The following WRNIP1 variants were observed in gnomAD, a reference collection of about 807,000 sequenced individuals.
WRNIP1 encodes ATPase WRNIP1.
Under a neutral mutation model 56.1 loss-of-function variants are expected in WRNIP1, and 41 were observed. The ratio of observed to expected loss-of-function variants is 0.73; its 90% CI spans 0.57 to 0.95. WRNIP1 has a LOEUF of 0.95. Ranked by LOEUF, WRNIP1 falls within the 40% of genes least tolerant of loss-of-function variation. The pLI is 0.00. For missense variants in WRNIP1, 1,170 were observed against 939.4 expected (o/e 1.25, Z -3.21); for synonymous variants, 547 against 398.1 (o/e 1.37, Z -4.45).
rs780918127 is a variant in WRNIP1, at chr6:2,766,230, G to GA, written c.608_609insA (p.Ser203ArgfsTer32). 22 of 1,459,736 alleles carry GA rather than the reference G, an allele frequency of 1.5e-5. No homozygotes were observed. Among genetic ancestry groups the GA allele is most frequent in the Non-Finnish European group, 2.0e-5 (22 of 1,104,382 alleles). 90.4% of individuals were successfully genotyped at this position (1,459,736 alleles called of 1,614,324 possible). A position where few individuals can be genotyped will look rare whatever the true frequency, so the allele number is the denominator to read the frequency against. On this transcript the variant is annotated frameshift_variant, in exon 1 of 7. Transcript: ENST00000380773. LOFTEE classifies it high-confidence loss of function. ...GAAGCCGCCACCGCCTTCGGGGCCA[G>GA]TGGCGGGGGCCGCCCGCACCCCCGG...
At position 2,784,358 on chromosome 6, in the gene WRNIP1, T is replaced by G. The variant is rs918921558; in HGVS notation, c.1677T>G (p.Val559=). Reference sequence around the variant, plus strand: ...ACCCGTCTGCGTTAACACAAGCGGTTGCTGCCTACCAAGGCTGTCATTTTA... The same window carrying G: ...ACCCGTCTGCGTTAACACAAGCGGTGGCTGCCTACCAAGGCTGTCATTTTA... ...LADPSALTQA[V]AAYQGCHFIG... is the part of the protein sequence containing the mutation. Residue 559 remains valine, a synonymous_variant, in exon 6 of 7, where the codon GTT becomes GTG. Coordinates refer to ENST00000380773, the MANE Select transcript of WRNIP1 (RefSeq NM_020135.3). 4 of 1,614,166 alleles carry G rather than the reference T, an allele frequency of 2.5e-6. No homozygotes were observed. The highest frequency in any genetic ancestry group is 3.4e-6 in the Non-Finnish European group (4 of 1,179,980).
intron 4 of WRNIP1, among the ~76,000 whole-genome samples, chr6:2,781,310 A>G (rs1006579370): frequency 4.6e-5 from 7 of 152,222 alleles, no homozygotes; most frequent in African/African-American, 1.4e-4. Flanking sequence ...CCAGCGCCTT[A>G]AGAACCCCAC....
In WRNIP1 at chr6:2,783,341, A is replaced by G. The variant is rs2113484603; in HGVS notation, c.1487-65A>G. On this transcript the variant is annotated intron_variant, in intron 4 of 6. Coordinates refer to ENST00000380773, the MANE Select transcript of WRNIP1 (RefSeq NM_020135.3). ...AGGCTTTCTGGAAGTCAGCTGGCGG[A>G]GGTGAAGATGGCTTGGGCGCCCCTC... is the stretch of plus-strand genomic sequence containing the variant. 7 of 1,461,090 alleles carry G rather than the reference A, an allele frequency of 4.8e-6. No homozygotes were observed. In the East Asian group the frequency reaches 1.8e-4, roughly 37 times the overall value. 90.5% of individuals were successfully genotyped at this position (1,461,090 alleles called of 1,614,324 possible).
intron 3 of WRNIP1, 141 bp downstream of exon 3, chr6:2,770,502 G>T: frequency 7.8e-7 from 1 of 1,280,726 alleles, no homozygotes; most frequent in Non-Finnish European, 1.0e-6. Context: ...GAAAATAAAA[G>T]AGGAGGGAAA....
Position 2,770,270 on chromosome 6 carries a change from T to A in WRNIP1, c.1165T>A (p.Leu389Ile). Residue 389 changes from leucine to isoleucine, a missense_variant, in exon 3 of 7, where the codon TTA (leucine) becomes ATA (isoleucine). Leu to Ile is a conservative substitution (Grantham distance 5). Coordinates refer to ENST00000380773, the MANE Select transcript of WRNIP1 (RefSeq NM_020135.3). ...KLPVEAMVTI[L>I]MRAINSLGIH... ...TCCAGTAGAGGCAATGGTGACTATT[T>A]TAATGCGAGCGATCAACTCCCTGGG... 6.2e-7 allele frequency: 1 copy of A among 1,614,162 alleles called. No individual in the cohort carries two copies. The highest frequency in any genetic ancestry group is 8.5e-7 in the Non-Finnish European group (1 of 1,180,026).
At chr6:2,774,753 C>T (rs190993677) in intron 3 of WRNIP1, among the ~76,000 whole-genome samples, 6 of 152,204 alleles carry the variant, frequency 3.9e-5, no homozygotes, top group Non-Finnish European at 5.9e-5. Context: ...ACGTCGTCAT[C>T]TGAAATGTAC....
In WRNIP1 at chr6:2,766,432, G is replaced by C. The variant is rs959608429; in HGVS notation, c.810G>C (p.Pro270=). 1 of 1,565,882 alleles carries C rather than the reference G, an allele frequency of 6.4e-7. No individual in the cohort carries two copies. Among genetic ancestry groups the C allele is most frequent in the Admixed American group, 1.8e-5 (1 of 56,612 alleles). Residue 270 remains proline, a synonymous_variant, in exon 1 of 7, where the codon CCG becomes CCC. Transcript: ENST00000380773. ...CCTCGCTTATCCTGTGGGGGCCGCC[G>C]GGCTGCGGCAAGGTGAGTGCGGCCT... ...EIPSLILWGP[P]GCGKTTLAHI...
At position 2,777,329 on chromosome 6, in the gene WRNIP1, T is replaced by TACGGATGG. The variant is rs1554137952; in HGVS notation, c.1257-1933_1257-1932insCGGATGGA. Among the ~76,000 whole-genome samples the TACGGATGG allele has an allele frequency of 4.6e-5, 7 of 152,126 alleles. No individual in the cohort carries two copies. The East Asian group carries it at 1.4e-3, about 29-fold the overall frequency. ...CCTCTCCTTGAGGTGCTCCGCATAGTAGGGATGATGAATGTAATGTAATCA... is the reference window on the plus strand; with the variant it reads ...CCTCTCCTTGAGGTGCTCCGCATAGTACGGATGGAGGGATGATGAATGTAATGTAATCA... On this transcript the variant is annotated intron_variant, in intron 3 of 6. Transcript: ENST00000380773.
At chr6:2,782,535 C>T (rs891238962) in intron 4 of WRNIP1, among the ~76,000 whole-genome samples, 1 of 152,226 alleles carries the variant, frequency 6.6e-6, no homozygotes, top group Non-Finnish European at 1.5e-5. Context: ...GAGCACAGAC[C>T]AGGTGCTCCT....
chr6:2,766,105 G>A lies in WRNIP1; in HGVS notation c.483G>A (p.Glu161=), dbSNP rs1764957178. 1 of 1,317,732 alleles carries A rather than the reference G, an allele frequency of 7.6e-7. No homozygotes were observed. The highest frequency in any genetic ancestry group is 9.6e-7 in the Non-Finnish European group (1 of 1,041,382). 81.6% of individuals were successfully genotyped at this position (1,317,732 alleles called of 1,614,324 possible). Residue 161 remains glutamate (E), a synonymous_variant, in exon 1 of 7, where the codon GAG becomes GAA. Coordinates refer to ENST00000380773, the MANE Select transcript of WRNIP1 (RefSeq NM_020135.3). The part of the protein sequence containing the change: ...SASPRSWDEA[E]AQEEEEAVGD... The stretch of plus-strand genomic sequence containing the variant: ...CTCCGCGCAGCTGGGACGAGGCGGA[G>A]GCGCAGGAGGAGGAGGAGGCCGTGG...
At position 2,779,506 on chromosome 6, in the gene WRNIP1, C is replaced by T. The variant is rs376809761; in HGVS notation, c.1486+14C>T. 84 of 1,607,694 alleles carry T rather than the reference C, an allele frequency of 5.2e-5. No homozygotes were observed. The highest frequency in any genetic ancestry group is 6.2e-5 in the Non-Finnish European group (73 of 1,176,472). On this transcript the variant is annotated intron_variant, in intron 4 of 6. Coordinates refer to ENST00000380773, the MANE Select transcript of WRNIP1 (RefSeq NM_020135.3). ...ATGACCGGGCAGGTAAGTAATTCACCTGTGGAAAGAGTGAAACCATACGGA... is the reference window on the plus strand; with the variant it reads ...ATGACCGGGCAGGTAAGTAATTCACTTGTGGAAAGAGTGAAACCATACGGA...
chr6:2,767,261 A>G (rs1013223941), intron 1 of WRNIP1, among the ~76,000 whole-genome samples: 2 of 152,238 alleles, frequency 1.3e-5, no homozygotes, highest in African/African-American at 4.8e-5. Flanking sequence ...AAAACAGAGA[A>G]AGCTAAGAAG....
In WRNIP1 at chr6:2,765,420, C is replaced by G. The variant is rs1582157532; in HGVS notation, c.-203C>G. 2.0e-6 allele frequency: 1 copy of G among 504,232 alleles called. No individual in the cohort carries two copies. Among genetic ancestry groups the G allele is most frequent in the Non-Finnish European group, 2.9e-6 (1 of 340,182 alleles). The allele number at this position is 504,232 out of a possible 1,614,324, so 31.2% of individuals were successfully genotyped here. On this transcript the variant is annotated 5_prime_UTR_variant, in exon 1 of 7. Coordinates refer to ENST00000380773, the MANE Select transcript of WRNIP1 (RefSeq NM_020135.3). Reference sequence around the variant, plus strand: ...ACTTCCCGACACGCCGCGTGAGGCGCTGCCAGCGGCCGGCCGAGGGCGGGC... The same window carrying G: ...ACTTCCCGACACGCCGCGTGAGGCGGTGCCAGCGGCCGGCCGAGGGCGGGC...
In WRNIP1 at chr6:2,779,501, T is replaced by G. The variant is rs1020212784; in HGVS notation, c.1486+9T>G. The G allele has an allele frequency of 1.2e-6, 2 of 1,610,074 alleles. No individual in the cohort carries two copies. Among genetic ancestry groups the G allele is most frequent in the Admixed American group, 3.4e-5 (2 of 59,382 alleles). On this transcript the variant is annotated intron_variant, in intron 4 of 6. Transcript: ENST00000380773. ...TTTATATGACCGGGCAGGTAAGTAA[T>G]TCACCTGTGGAAAGAGTGAAACCAT...
At position 2,766,411 on chromosome 6, in the gene WRNIP1, G is replaced by C; in HGVS notation, c.789G>C (p.Ser263=). 1.2e-6 allele frequency: 2 copies of C among 1,600,074 alleles called. No individual in the cohort carries two copies. Among genetic ancestry groups the C allele is most frequent in the South Asian group, 1.1e-5 (1 of 89,584 alleles). Residue 263 remains serine, a synonymous_variant, in exon 1 of 7, where the codon TCG becomes TCC. Transcript: ENST00000380773. ...TCCTGGAGACCAACGAAATCCCCTC[G>C]CTTATCCTGTGGGGGCCGCCGGGCT... The part of the protein sequence containing the change: ...RSLLETNEIP[S]LILWGPPGCG...
Position 2,765,809 on chromosome 6 carries a change from G to A in WRNIP1, c.187G>A (p.Gly63Arg), listed in dbSNP as rs1373607760. 7.3e-7 allele frequency: 1 copy of A among 1,362,972 alleles called. No homozygotes were observed. The highest frequency in any genetic ancestry group is 3.5e-5 in the Admixed American group (1 of 28,574). 84.4% of individuals were successfully genotyped at this position (1,362,972 alleles called of 1,614,324 possible). A position where few individuals can be genotyped will look rare whatever the true frequency, so the allele number is the denominator to read the frequency against. The change falls in exon 1 of 7, where the codon GGG (glycine) becomes AGG (arginine). Residue 63 changes from glycine to arginine, a missense_variant. Transcript: ENST00000380773. ...GCACCGCGCCGGGGAGCGGGCCAAG[G>A]GGCCCTCGCCGCCCGGCGCCAAGAG... ...GSHRAGERAKGPSPPGAKRRR... is the reference protein window; with the variant it reads ...GSHRAGERAKRPSPPGAKRRR...
chr6:2,778,673 C>G (rs1283522728), intron 3 of WRNIP1, among the ~76,000 whole-genome samples: 1 of 152,174 alleles, frequency 6.6e-6, no homozygotes, highest in Non-Finnish European at 1.5e-5. Flanking sequence ...CCAAGATTCC[C>G]CAGGCCAAGA....
At position 2,766,207 on chromosome 6, in the gene WRNIP1, A is replaced by C; in HGVS notation, c.585A>C (p.Glu195Asp). Reference sequence around the variant, plus strand: ...GGCACTGGGACGCGGACGCTGCCGAAGCCGCCACCGCCTTCGGGGCCAGTG... The same window carrying C: ...GGCACTGGGACGCGGACGCTGCCGACGCCGCCACCGCCTTCGGGGCCAGTG... The part of the protein sequence containing the change: ...DPGHWDADAA[E>D]AATAFGASGG... Residue 195 changes from glutamate to aspartate, a missense_variant, in exon 1 of 7, where the codon GAA becomes GAC. Coordinates refer to ENST00000380773, the MANE Select transcript of WRNIP1 (RefSeq NM_020135.3). 1 of 1,447,442 alleles carries C rather than the reference A, an allele frequency of 6.9e-7. No homozygotes were observed. The highest frequency in any genetic ancestry group is 9.1e-7 in the Non-Finnish European group (1 of 1,097,796). The allele number at this position is 1,447,442 out of a possible 1,614,324, so 89.7% of individuals were successfully genotyped here.
At position 2,786,414 on chromosome 6, in the gene WRNIP1, C is replaced by G. The variant is rs1765714907; in HGVS notation, c.*1132C>G. On this transcript the variant is annotated 3_prime_UTR_variant, in exon 7 of 7. Transcript: ENST00000380773. ...CAGAGGCTTGGCCCGACTGGCCTCC[C>G]TCCTTCTGTCTGGAGTGGTTGCACT... 1 of 152,270 alleles carries G rather than the reference C, an allele frequency of 6.6e-6. No individual in the cohort carries two copies. Among genetic ancestry groups the G allele is most frequent in the Admixed American group, 6.5e-5 (1 of 15,276 alleles). The allele number at this position is 152,270 out of a possible 1,614,324, so 9.4% of individuals were successfully genotyped here.
Sources: allele counts gnomAD v4.1 joint callset (sites outside exome capture counted in the v4.1 genomes callset), GRCh38; gene constraint gnomAD v4.1.1; transcripts MANE v1.5; gene names NCBI Gene and HGNC (gene_info 2026-07-23, HGNC 2026-07-21).